PTPRD: variants seen among roughly 807,000 people sequenced by gnomAD.
The protein encoded by PTPRD is receptor-type tyrosine-protein phosphatase delta.
A neutral mutation model predicts 214.5 loss-of-function variants in PTPRD; 34 were observed. That is an observed-to-expected ratio of 0.16 (90% CI 0.12 to 0.21). The LOEUF is 0.21. Among genes scored for constraint, PTPRD ranks in the 10% least tolerant of loss-of-function variants. The pLI, the probability that PTPRD is intolerant of heterozygous loss-of-function variation, is 1.00. For synonymous variants in PTPRD, 1,128 were observed against 845.7 expected, an observed-to-expected ratio of 1.33 and a Z score of -5.79; for missense variants, 2,545 against 2,398.7, an observed-to-expected ratio of 1.06 and a Z score of -1.27.
intron 7 of PTPRD, among the ~76,000 whole-genome samples, chr9:9,616,913 A>T (rs1157457956): frequency 6.6e-6 from 1 of 152,118 alleles, no homozygotes; most frequent in East Asian, 1.9e-4. Flanking sequence ...GCATTTGCTG[A>T]GGAGTGTTTT....
intron 26 of PTPRD, 55 bp from the exon 27 acceptor site, chr9:8,493,034 G>A (rs971484909): frequency 2.1e-6 from 3 of 1,453,690 alleles, no homozygotes; most frequent in Admixed American, 1.7e-5. Flanking sequence ...AATGCTCTGG[G>A]GGAAAAACAA....
intron 9 of PTPRD, among the ~76,000 whole-genome samples, chr9:9,185,459 C>G (rs1046869684): frequency 3.9e-5 from 6 of 152,064 alleles, no homozygotes; most frequent in African/African-American, 1.4e-4. Flanking sequence ...ATCTGTCTCT[C>G]TTTACTATTG....
intron 2 of PTPRD, among the ~76,000 whole-genome samples, chr9:10,529,355 G>C (rs1282616683): frequency 6.6e-6 from 1 of 152,112 alleles, no homozygotes; most frequent in African/African-American, 2.4e-5. Context: ...TAAACAATAT[G>C]TGGCACATAT....
intron 39 of PTPRD, among the ~76,000 whole-genome samples, chr9:8,365,584 C>A (rs1004278142): frequency 2.6e-5 from 4 of 152,054 alleles, no homozygotes; most frequent in Non-Finnish European, 4.4e-5. Context: ...TTCCACCAAT[C>A]CAGTAAATAA....
rs943419378 is a variant in PTPRD at position 9,883,164 on chromosome 9, G to A, written c.-368+55343C>T. ...AAAATGAACAAACCCCCCAAGAGGC[G>A]AACTCCCATCCTTGAAGGTGCTTAT... On this transcript the variant is annotated intron_variant, in intron 5 of 45. Transcript: ENST00000381196. Among the ~76,000 whole-genome samples the A allele has an allele frequency of 3.7e-4, 57 of 152,066 alleles. 1 individual carries two copies. Among genetic ancestry groups the A allele is most frequent in the African/African-American group, 1.3e-3 (54 of 41,480 alleles).
At chr9:9,910,466 T>C (rs1485231561) in intron 5 of PTPRD, among the ~76,000 whole-genome samples, 2 of 152,036 alleles carry the variant, frequency 1.3e-5, no homozygotes, top group Non-Finnish European at 2.9e-5. Context: ...AAGAAATGTA[T>C]TCTTGAAGGA....
chr9:9,134,309 A>G (rs1031369670), intron 10 of PTPRD, among the ~76,000 whole-genome samples: 1 of 136,576 alleles, frequency 7.3e-6, no homozygotes, highest in Non-Finnish European at 1.5e-5. Flanking sequence ...TCCTGACCTC[A>G]TGATCCACCC....
chr9:10,381,370 C>G (rs1184795358), intron 2 of PTPRD, among the ~76,000 whole-genome samples: 2 of 152,004 alleles, frequency 1.3e-5, no homozygotes, highest in Non-Finnish European at 2.9e-5. Flanking sequence ...CCTCTGTAAG[C>G]CAGATTCATC....
At chr9:8,355,207 C>T (rs1204415477) in intron 39 of PTPRD, among the ~76,000 whole-genome samples, 3 of 152,092 alleles carry the variant, frequency 2.0e-5, no homozygotes, top group African/African-American at 7.2e-5. Flanking sequence ...CTCTCTCTTG[C>T]TCCCTTTTGC....
chr9:9,078,239 T>A (rs1222609584), intron 10 of PTPRD, among the ~76,000 whole-genome samples: 1 of 152,096 alleles, frequency 6.6e-6, no homozygotes, highest in Non-Finnish European at 1.5e-5. Flanking sequence ...TTCATAAAAG[T>A]TTTATTGAAT....
At chr9:10,149,305 G>A (rs932743873) in intron 3 of PTPRD, among the ~76,000 whole-genome samples, 5 of 152,120 alleles carry the variant, frequency 3.3e-5, no homozygotes, top group African/African-American at 1.2e-4. Flanking sequence ...TGCTACTAGG[G>A]GCATAAACTG....
At chr9:8,922,193 G>T (rs1217010790) in intron 11 of PTPRD, among the ~76,000 whole-genome samples, 2 of 151,730 alleles carry the variant, frequency 1.3e-5, no homozygotes, top group Non-Finnish European at 2.9e-5. Flanking sequence ...TCTTGACTTT[G>T]TTTTTTTTCT....
At chr9:8,863,474 CTG>C (rs1283849872) in intron 11 of PTPRD, among the ~76,000 whole-genome samples, 2 of 152,158 alleles carry the variant, frequency 1.3e-5, no homozygotes, top group Admixed American at 1.3e-4. Context: ...ATTATGATAA[CTG>C]TATATTACAC....
At chr9:8,628,152 G>A (rs1037304810) in intron 14 of PTPRD, among the ~76,000 whole-genome samples, 4 of 151,672 alleles carry the variant, frequency 2.6e-5, no homozygotes, top group African/African-American at 7.3e-5. Context: ...ATCTCCAGCC[G>A]AGACCACTTT....
intron 8 of PTPRD, among the ~76,000 whole-genome samples, chr9:9,501,574 T>TTGGGCATA (rs1169831802): frequency 1.1e-4 from 17 of 151,942 alleles, no homozygotes; most frequent in Admixed American, 4.6e-4. Flanking sequence ...TTCTAGTTAA[T>TTGGGCATA]GTATATCAAC....
chr9:9,812,756 G>C (rs533240998), intron 5 of PTPRD, among the ~76,000 whole-genome samples: 1 of 152,188 alleles, frequency 6.6e-6, no homozygotes, highest in Admixed American at 6.5e-5. Context: ...GGAAACAGCA[G>C]ACTTGACTAA....
intron 14 of PTPRD, among the ~76,000 whole-genome samples, chr9:8,579,727 G>T (rs1389042137): frequency 6.6e-6 from 1 of 152,230 alleles, no homozygotes; most frequent in African/African-American, 2.4e-5. Context: ...GGTTGCAGTG[G>T]ATGGGAAAGA....
chr9:8,818,408 A>G (rs2096967510), intron 11 of PTPRD, among the ~76,000 whole-genome samples: 2 of 152,212 alleles, frequency 1.3e-5, no homozygotes, highest in South Asian at 4.1e-4. Flanking sequence ...TTTAACAATA[A>G]TAATAGTAAG....
At chr9:9,620,866 G>GAA (rs5896343) in intron 7 of PTPRD, among the ~76,000 whole-genome samples, 1 of 139,394 alleles carries the variant, frequency 7.2e-6, no homozygotes. Context: ...AAAGAGAGGA[G>GAA]AAAAAAAAAA....
Sources: gnomAD v4.1 joint callset for allele counts (sites outside exome capture counted in the v4.1 genomes callset) on GRCh38, gnomAD v4.1.1 for gene constraint, MANE v1.5 for transcripts, NCBI Gene and HGNC (gene_info 2026-07-23, HGNC 2026-07-21) for gene names.